MRE11: variants seen among roughly 807,000 people sequenced by gnomAD.
MRE11 encodes the protein MRE11 double strand break repair nuclease.
In MRE11, 62 loss-of-function variants were observed where a neutral mutation model predicts 91.7. The observed-to-expected ratio is 0.68, with a 90% confidence interval of 0.55 to 0.84. The LOEUF (loss-of-function observed/expected upper bound fraction) is 0.84, where lower values mean the gene tolerates loss of function less well. Ranked by LOEUF, MRE11 falls within the 40% of genes least tolerant of loss-of-function variation. The pLI, the probability that MRE11 is intolerant of heterozygous loss-of-function variation, is 0.00. For synonymous variants in MRE11, 273 were observed against 271.4 expected (o/e 1.01, Z -0.06); for missense variants, 796 against 852.9 (o/e 0.93, Z 0.83).
intron 19 of MRE11, among the ~76,000 whole-genome samples, chr11:94,424,406 T>A (rs1945254552): frequency 6.6e-6 from 1 of 152,118 alleles, no homozygotes; most frequent in African/African-American, 2.4e-5. Flanking sequence ...CCCTCTAACA[T>A]GAGAAAGAAT....
At position 94,419,336 on chromosome 11, in the gene MRE11, C is replaced by G. The variant is rs1380003675; in HGVS notation, c.*789G>C. ...CTGACCACTCTACCTAAAACAAATTCTTCAATATTTTCAAGATGTAGTTTA... is the reference window on the plus strand; with the variant it reads ...CTGACCACTCTACCTAAAACAAATTGTTCAATATTTTCAAGATGTAGTTTA... On this transcript the variant is annotated 3_prime_UTR_variant, in exon 20 of 20. Coordinates refer to ENST00000323929, the MANE Select transcript of MRE11 (RefSeq NM_005591.4). The G allele has an allele frequency of 1.3e-5, 3 of 232,722 alleles. No individual in the cohort carries two copies. The Admixed American group carries it at 1.7e-4, about 13-fold the overall frequency. 14.4% of individuals were successfully genotyped at this position (232,722 alleles called of 1,614,324 possible). A position where few individuals can be genotyped will look rare whatever the true frequency, so the allele number is the denominator to read the frequency against.
the MRE11 span, among the ~76,000 whole-genome samples, chr11:94,502,275 C>G: frequency 1.3e-5 from 2 of 152,204 alleles, no homozygotes; most frequent in Non-Finnish European, 2.9e-5. Flanking sequence ...TCACCATACA[C>G]TAGTATTTGA....
intron 19 of MRE11, among the ~76,000 whole-genome samples, chr11:94,422,605 A>T (rs1465841390): frequency 6.6e-6 from 1 of 152,238 alleles, no homozygotes; most frequent in Non-Finnish European, 1.5e-5. Context: ...ATCATATTTT[A>T]AAAATCTACA....
intron 7 of MRE11, among the ~76,000 whole-genome samples, chr11:94,476,057 T>C (rs1946846056): frequency 6.6e-6 from 1 of 152,196 alleles, no homozygotes. Context: ...TTTGTTGAAT[T>C]GAGGAGTATT....
chr11:94,454,254 T>C (rs932191879), intron 14 of MRE11, among the ~76,000 whole-genome samples: 1 of 151,440 alleles, frequency 6.6e-6, no homozygotes, highest in Non-Finnish European at 1.5e-5. Flanking sequence ...TTGTATTTTT[T>C]GTAGAGATGG....
intron 8 of MRE11, among the ~76,000 whole-genome samples, chr11:94,471,307 C>T (rs12291000): frequency 6.6e-6 from 1 of 151,864 alleles, no homozygotes; most frequent in Non-Finnish European, 1.5e-5. Context: ...AAAACATCTA[C>T]CTTGAAATAT....
chr11:94,470,369 A>T, intron 9 of MRE11, 102 bp downstream of exon 9: 1 of 1,154,838 alleles, frequency 8.7e-7, no homozygotes, highest in South Asian at 1.3e-5. Flanking sequence ...ATGAGAATGT[A>T]ATCAACATAA....
chr11:94,437,302 T>A, intron 16 of MRE11, 67 bp from the exon 17 acceptor site: 11 of 1,474,646 alleles, frequency 7.5e-6, no homozygotes, highest in Non-Finnish European at 1.0e-5. Context: ...CTTGCATACT[T>A]CTTTAGCTAA....
At chr11:94,420,338 C>T (rs1014267336) in intron 19 of MRE11, among the ~76,000 whole-genome samples, 157 bp from the exon 20 acceptor site, 2 of 152,104 alleles carry the variant, frequency 1.3e-5, no homozygotes, top group Non-Finnish European at 2.9e-5. Flanking sequence ...ATATTAAGTA[C>T]AATTAAATTC....
intron 7 of MRE11, among the ~76,000 whole-genome samples, chr11:94,472,368 T>G (rs1946740420): frequency 6.6e-6 from 1 of 152,104 alleles, no homozygotes; most frequent in African/African-American, 2.4e-5. Context: ...TAATATTAAC[T>G]TACATCATTG....
chr11:94,423,773 G>C (rs565813473), intron 19 of MRE11, among the ~76,000 whole-genome samples: 1 of 152,220 alleles, frequency 6.6e-6, no homozygotes, highest in Admixed American at 6.5e-5. Flanking sequence ...GGGTCCAGAC[G>C]ATGGAGCCAC....
In MRE11 at chr11:94,423,532, G is replaced by A. The variant is rs142539900; in HGVS notation, c.2071-3351C>T. Among the ~76,000 whole-genome samples the A allele has an allele frequency of 2.9e-3, 449 of 152,344 alleles. 1 individual carries two copies. The highest frequency in any genetic ancestry group is 0.01 in the African/African-American group (428 of 41,582). On this transcript the variant is annotated intron_variant, in intron 19 of 19. Coordinates refer to ENST00000323929, the MANE Select transcript of MRE11 (RefSeq NM_005591.4). ...AGGACTAGCCCCACCTGAATGCTGG[G>A]GCAGGCCAGCCTGGGGCCAGCTTCC...
chr11:94,435,989 TTAA>T, intron 17 of MRE11, 90 bp from the exon 18 acceptor site: 3 of 1,183,636 alleles, frequency 2.5e-6, no homozygotes, highest in Non-Finnish European at 3.8e-6. Context: ...CGATTAAATC[TTAA>T]GTTATATATG....
At chr11:94,465,395 CTTTTTTTT>C (rs752729940) in intron 10 of MRE11, among the ~76,000 whole-genome samples, 1 of 127,960 alleles carries the variant, frequency 7.8e-6, no homozygotes, top group African/African-American at 3.1e-5. Context: ...CTCTCTCTCT[CTTTTTTTT>C]TTTTTTTTTT....
At chr11:94,496,158 C>A (rs891511964), upstream of MRE11, among the ~76,000 whole-genome samples, 1 of 152,110 alleles carries the variant, frequency 6.6e-6, no homozygotes, top group Non-Finnish European at 1.5e-5. Context: ...CTTTTGGGGG[C>A]TATTCCATCT....
At chr11:94,490,314 A>G (rs75931934) in intron 3 of MRE11, among the ~76,000 whole-genome samples, 1 of 152,166 alleles carries the variant, frequency 6.6e-6, no homozygotes, top group East Asian at 1.9e-4. Context: ...TACATTCTCT[A>G]TGCTCCCCAC....
At position 94,486,061 on chromosome 11, in the gene MRE11, A is replaced by G. The variant is rs557033848; in HGVS notation, c.177T>C (p.Gly59=). The G allele has an allele frequency of 1.1e-5, 18 of 1,613,840 alleles. No individual in the cohort carries two copies. In the African/African-American group the frequency reaches 1.9e-4, roughly 17 times the overall value. ...AGGGCTTATTTTCATGAAAAAGATC[A>G]CCACCTAACAAAATAAAATCCACCT... is the stretch of plus-strand genomic sequence containing the variant. ...ENEVDFILLG[G]DLFHENKPSR... Residue 59 remains glycine, a synonymous_variant, in exon 4 of 20, where the codon GGT becomes GGC. Coordinates refer to ENST00000323929, the MANE Select transcript of MRE11 (RefSeq NM_005591.4).
chr11:94,476,478 A>T, intron 6 of MRE11, 75 bp from the exon 7 acceptor site: 1 of 948,034 alleles, frequency 1.1e-6, no homozygotes, highest in South Asian at 1.4e-5. Flanking sequence ...TTGCTTCTAA[A>T]TTATGTCCTT....
Position 94,456,305 on chromosome 11 carries a change from T to C in MRE11, c.1534A>G (p.Thr512Ala), listed in dbSNP as rs745897541. ...RRFRETRQKN[T>A]NEEDDEVREA... The stretch of plus-strand genomic sequence containing the variant: ...CGGACTTCATCATCTTCTTCATTAG[T>C]ATTTTTTTGTCTGGTTTCTCTGAAA... The change falls in exon 14 of 20, where the codon ACT (threonine) becomes GCT (alanine). Residue 512 changes from threonine (T) to alanine (A), a missense_variant. By Grantham distance (58) the Thr-to-Ala change is moderately conservative. Coordinates refer to ENST00000323929, the MANE Select transcript of MRE11 (RefSeq NM_005591.4). The C allele has an allele frequency of 3.7e-6, 6 of 1,613,596 alleles. No individual in the cohort carries two copies. The highest frequency in any genetic ancestry group is 1.3e-5 in the African/African-American group (1 of 74,906).
Sources: allele counts gnomAD v4.1 joint callset (sites outside exome capture counted in the v4.1 genomes callset), GRCh38; gene constraint gnomAD v4.1.1; transcripts MANE v1.5; gene names NCBI Gene and HGNC (gene_info 2026-07-23, HGNC 2026-07-21).